The following THRAP3 variants were observed in gnomAD, a reference collection of about 807,000 sequenced individuals.
The protein encoded by THRAP3 is thyroid hormone receptor-associated protein 3.
THRAP3 carries 16 observed loss-of-function variants against 101.0 expected under a neutral mutation model. The ratio of observed to expected loss-of-function variants is 0.16; its 90% confidence interval spans 0.11 to 0.24. THRAP3 has a LOEUF of 0.24. THRAP3 is among the 10% of genes least tolerant of loss of function. THRAP3 has a pLI of 1.00. For synonymous variants in THRAP3, 407 were observed against 422.6 expected (o/e 0.96, Z 0.45); for missense variants, 989 against 1,202.7 (o/e 0.82, Z 2.63).
chr1:36,224,237 C>G (rs1468828151), upstream of THRAP3, among the ~76,000 whole-genome samples: 2 of 152,258 alleles, frequency 1.3e-5, no homozygotes, highest in East Asian at 3.8e-4. Flanking sequence ...GGGGACGGCC[C>G]CGAGCAACCC....
intron 2 of THRAP3, among the ~76,000 whole-genome samples, chr1:36,266,565 C>T (rs1394212658): frequency 2.0e-5 from 3 of 152,150 alleles, no homozygotes; most frequent in Non-Finnish European, 4.4e-5. Flanking sequence ...AACTAATTCA[C>T]TCGCTGAAAA....
intron 11 of THRAP3, among the ~76,000 whole-genome samples, chr1:36,302,693 T>C (rs1570357887): frequency 6.6e-6 from 1 of 152,196 alleles, no homozygotes; most frequent in Admixed American, 6.5e-5. Context: ...GGGGGGGTGG[T>C]TTAGACTCTG....
intron 4 of THRAP3, chr1:36,288,410 T>C: frequency 2.0e-6 from 2 of 985,450 alleles, no homozygotes; most frequent in African/African-American, 1.7e-5. Context: ...ACATAAGTTT[T>C]GTTCCATGCC....
Position 36,296,607 on chromosome 1 carries a change from C to A in THRAP3, c.2140C>A (p.Pro714Thr). 1.9e-6 allele frequency: 3 copies of A among 1,574,468 alleles called. No individual in the cohort carries two copies. Among genetic ancestry groups the A allele is most frequent in the Non-Finnish European group, 1.7e-6 (2 of 1,167,194 alleles). The change falls in exon 9 of 12, where the codon CCT (proline) becomes ACT (threonine). Residue 714 changes from proline (P) to threonine (T), a missense_variant. Physicochemically the swap from Pro to Thr is conservative, Grantham distance 38 (BLOSUM62 -1). Coordinates refer to ENST00000354618, the MANE Select transcript of THRAP3 (RefSeq NM_005119.4). ...GGCTGAGGGAAAATACAAAGATGAT[C>A]CTGTTGATCTCCGCCTTGATATTGA... ...YKAEGKYKDD[P>T]VDLRLDIERR...
At chr1:36,249,681 G>GGTGTGT (rs1160103598) in intron 1 of THRAP3, among the ~76,000 whole-genome samples, 1 of 41,154 alleles carries the variant, frequency 2.4e-5, no homozygotes, top group Admixed American at 3.0e-4. Context: ...CGAAGCAGGT[G>GGTGTGT]GTGAGTGTGT....
intron 1 of THRAP3, among the ~76,000 whole-genome samples, chr1:36,246,841 C>CAAATAAAT (rs377713773): frequency 8.6e-5 from 13 of 150,928 alleles, no homozygotes; most frequent in African/African-American, 3.2e-4. Context: ...GACTCTGTCT[C>CAAATAAAT]AAATAAATAA....
intron 2 of THRAP3, among the ~76,000 whole-genome samples, chr1:36,271,591 C>CTTT (rs34782789): frequency 4.3e-4 from 26 of 60,104 alleles, no homozygotes; most frequent in African/African-American, 1.4e-3. Context: ...TTTTTCTTAT[C>CTTT]TTTTTTTTTT....
chr1:36,230,135 T>G (rs1645011506), intron 1 of THRAP3, among the ~76,000 whole-genome samples: 1 of 151,618 alleles, frequency 6.6e-6, no homozygotes, highest in Non-Finnish European at 1.5e-5. Flanking sequence ...TTTTTCTTTT[T>G]TTTTAGACGG....
At chr1:36,215,333 C>A in the THRAP3 span, among the ~76,000 whole-genome samples, 1 of 152,204 alleles carries the variant, frequency 6.6e-6, no homozygotes, top group Non-Finnish European at 1.5e-5. Context: ...CTCCTTAGGA[C>A]CTCATTGACA....
chr1:36,254,747 A>C (rs959610278), intron 1 of THRAP3, among the ~76,000 whole-genome samples: 11 of 152,190 alleles, frequency 7.2e-5, no homozygotes, highest in African/African-American at 1.4e-4. Context: ...AGAAGTTGGA[A>C]TGTTGTATAA....
chr1:36,294,833 C>A (rs1158179120), intron 8 of THRAP3, among the ~76,000 whole-genome samples: 1 of 152,182 alleles, frequency 6.6e-6, no homozygotes, highest in Admixed American at 6.5e-5. Context: ...GGAGGTGTTA[C>A]CCCTGGGAGC....
intron 2 of THRAP3, among the ~76,000 whole-genome samples, chr1:36,275,671 CATG>C (rs989296278): frequency 4.0e-5 from 6 of 150,712 alleles, no homozygotes; most frequent in African/African-American, 1.5e-4. Flanking sequence ...AGTGCAACAG[CATG>C]ATAAGAATAG....
intron 1 of THRAP3, among the ~76,000 whole-genome samples, chr1:36,235,783 A>G (rs1216197208): frequency 1.3e-5 from 2 of 152,182 alleles, no homozygotes; most frequent in Admixed American, 6.6e-5. Flanking sequence ...TTATTTATGT[A>G]AGTGAAAAAC....
intron 6 of THRAP3, among the ~76,000 whole-genome samples, chr1:36,292,019 A>G (rs1436995466): frequency 6.6e-6 from 1 of 152,072 alleles, no homozygotes; most frequent in Non-Finnish European, 1.5e-5. Context: ...AACTCAAGCA[A>G]GAGTTGGTGC....
the THRAP3 span, among the ~76,000 whole-genome samples, chr1:36,208,553 T>A: frequency 1.3e-5 from 2 of 152,162 alleles, no homozygotes; most frequent in African/African-American, 4.8e-5. Context: ...ACGAATTTAT[T>A]GAGGAACTGC....
intron 2 of THRAP3, among the ~76,000 whole-genome samples, chr1:36,273,511 G>A (rs977622427): frequency 6.6e-6 from 1 of 152,146 alleles, no homozygotes; most frequent in Non-Finnish European, 1.5e-5. Context: ...TTAAGATGAA[G>A]AACAAGACCA....
At chr1:36,279,567 A>G (rs115883194) in intron 2 of THRAP3, among the ~76,000 whole-genome samples, 4,873 of 152,304 alleles carry the variant, frequency 0.032, 255 homozygotes, top group African/African-American at 0.11. Flanking sequence ...CCAAATTGAA[A>G]TATCTTTGAC....
intron 2 of THRAP3, among the ~76,000 whole-genome samples, chr1:36,260,229 A>G (rs911600639): frequency 3.9e-5 from 6 of 152,142 alleles, no homozygotes; most frequent in Admixed American, 6.6e-5. Context: ...GCAACAGAGC[A>G]AGACCTTGTC....
chr1:36,231,277 CTT>C (rs1018053879), intron 1 of THRAP3, among the ~76,000 whole-genome samples: 1 of 152,156 alleles, frequency 6.6e-6, no homozygotes, highest in Non-Finnish European at 1.5e-5. Context: ...CACTGAATTA[CTT>C]TGTTTCCAAA....
Sources: allele counts gnomAD v4.1 joint callset (sites outside exome capture counted in the v4.1 genomes callset), GRCh38; gene constraint gnomAD v4.1.1; transcripts MANE v1.5; gene names NCBI Gene and HGNC (gene_info 2026-07-23, HGNC 2026-07-21).